NUBPL: variants seen among roughly 807,000 people sequenced by gnomAD.
The protein encoded by NUBPL is iron-sulfur cluster transfer protein NUBPL.
In NUBPL, 31 loss-of-function variants were observed where a neutral mutation model predicts 45.7. The observed-to-expected ratio is 0.68, with a 90% CI of 0.51 to 0.92. The LOEUF is 0.92. Among genes scored for constraint, NUBPL ranks in the 40% least tolerant of loss-of-function variants. The probability of loss-of-function intolerance (pLI) is 0.00; values close to 1 mark genes in which losing one functional copy is unlikely to be tolerated. For synonymous variants in NUBPL, 144 were observed against 140.9 expected (o/e 1.02, Z -0.15); for missense variants, 401 against 398.7 (o/e 1.01, Z -0.05).
intron 6 of NUBPL, among the ~76,000 whole-genome samples, chr14:31,677,637 C>T (rs1160448603): frequency 6.6e-6 from 1 of 152,150 alleles, no homozygotes; most frequent in Non-Finnish European, 1.5e-5. Context: ...TGTTCTCTTC[C>T]CTTACTTTCT....
chr14:31,706,781 G>A (rs894816296), intron 6 of NUBPL, among the ~76,000 whole-genome samples: 1 of 152,210 alleles, frequency 6.6e-6, no homozygotes, highest in Non-Finnish European at 1.5e-5. Context: ...TTGAGAGTGT[G>A]TGGCAGTAGG....
Position 31,671,946 on chromosome 14 carries a change from T to C in NUBPL, c.383-1409T>C, listed in dbSNP as rs377558215. On this transcript the variant is annotated intron_variant, in intron 4 of 10. Coordinates refer to ENST00000281081, the MANE Select transcript of NUBPL (RefSeq NM_025152.3). ...CAGGATACTCCTAGGTTTTATGACT[T>C]TGTCCTAGACTTTTTGCCCAATACT... is the stretch of plus-strand genomic sequence containing the variant. Among the ~76,000 whole-genome samples the C allele has an allele frequency of 5.3e-5, 8 of 152,326 alleles. No individual in the cohort carries two copies. The South Asian group carries it at 8.3e-4, about 16-fold the overall frequency.
intron 6 of NUBPL, among the ~76,000 whole-genome samples, chr14:31,716,490 T>C (rs571765502): frequency 6.6e-6 from 1 of 152,230 alleles, no homozygotes; most frequent in Non-Finnish European, 1.5e-5. Flanking sequence ...ACAGCTATGA[T>C]GTCACTAGGC....
At chr14:31,621,604 C>A (rs2035064082) in intron 4 of NUBPL, among the ~76,000 whole-genome samples, 2 of 152,184 alleles carry the variant, frequency 1.3e-5, no homozygotes, top group South Asian at 4.1e-4. Context: ...TTGGCTCACC[C>A]TCCATGGGCC....
chr14:31,800,180 T>G (rs2039559444), intron 7 of NUBPL, among the ~76,000 whole-genome samples: 1 of 152,186 alleles, frequency 6.6e-6, no homozygotes, highest in Non-Finnish European at 1.5e-5. Flanking sequence ...TCTTGCTGTT[T>G]CCACCACATC....
At chr14:31,828,050 G>T (rs966931585) in intron 8 of NUBPL, among the ~76,000 whole-genome samples, 1 of 152,128 alleles carries the variant, frequency 6.6e-6, no homozygotes, top group African/African-American at 2.4e-5. Context: ...GTGCCTGTAT[G>T]CTTACCTTCC....
intron 6 of NUBPL, among the ~76,000 whole-genome samples, chr14:31,722,121 C>T (rs1411493200): frequency 6.6e-6 from 1 of 152,204 alleles, no homozygotes; most frequent in South Asian, 2.1e-4. Context: ...CTCAGCCTCC[C>T]GAGTAGCTGG....
rs117643353 is a variant in NUBPL, at chr14:31,681,064, G to A, written c.513+7490G>A. On this transcript the variant is annotated intron_variant, in intron 6 of 10. Coordinates refer to ENST00000281081, the MANE Select transcript of NUBPL (RefSeq NM_025152.3). ...CAAGTGTTATATGAGAGTTAGCCTG[G>A]CCTCAAAAAGTAAGTTGGAAAGTAC... is the stretch of plus-strand genomic sequence containing the variant. Among the ~76,000 whole-genome samples, 685 of 151,998 alleles carry A rather than the reference G, an allele frequency of 4.5e-3. 3 individuals are homozygous for A. Among genetic ancestry groups the A allele is most frequent in the East Asian group, 0.023 (120 of 5,188 alleles).
chr14:31,838,279 C>CAAAAAAAAAAAAAAA (rs748313330), intron 8 of NUBPL, among the ~76,000 whole-genome samples: 67 of 60,206 alleles, frequency 1.1e-3, no homozygotes, highest in South Asian at 3.4e-3. Flanking sequence ...TAATATCCAG[C>CAAAAAAAAAAAAAAA]AAAAAAAAAA....
At chr14:31,608,476 C>T (rs971721023) in intron 4 of NUBPL, among the ~76,000 whole-genome samples, 2 of 152,068 alleles carry the variant, frequency 1.3e-5, no homozygotes, top group African/African-American at 4.8e-5. Flanking sequence ...CTCACTTGAA[C>T]CCAGGAGGCA....
At position 31,574,824 on chromosome 14, in the gene NUBPL, G is replaced by A. The variant is rs984371799; in HGVS notation, c.291+9776G>A. On this transcript the variant is annotated intron_variant, in intron 3 of 10. Coordinates refer to ENST00000281081, the MANE Select transcript of NUBPL (RefSeq NM_025152.3). Reference sequence around the variant, plus strand: ...TTGAACTCCTGACCTCAGGTGATCCGCCTGCCTCGGCCTCTCAAAGTGCTG... The same window carrying A: ...TTGAACTCCTGACCTCAGGTGATCCACCTGCCTCGGCCTCTCAAAGTGCTG... Among the ~76,000 whole-genome samples, 5 of 151,706 alleles carry A rather than the reference G, an allele frequency of 3.3e-5. No homozygotes were observed. The South Asian group carries it at 6.3e-4, about 19-fold the overall frequency.
chr14:31,783,149 G>A (rs1305112667), intron 6 of NUBPL, among the ~76,000 whole-genome samples: 1 of 152,122 alleles, frequency 6.6e-6, no homozygotes, highest in Non-Finnish European at 1.5e-5. Flanking sequence ...ACTGGGGGCT[G>A]GTCAGCTTTT....
At chr14:31,810,746 T>C (rs2039786382) in intron 7 of NUBPL, among the ~76,000 whole-genome samples, 1 of 152,236 alleles carries the variant, frequency 6.6e-6, no homozygotes, top group Non-Finnish European at 1.5e-5. Context: ...GTTTTTGCAG[T>C]GGCTGGTACT....
chr14:31,589,723 A>G (rs936214189), intron 3 of NUBPL, among the ~76,000 whole-genome samples: 3 of 152,152 alleles, frequency 2.0e-5, no homozygotes, highest in Admixed American at 6.5e-5. Flanking sequence ...AAAAATCACC[A>G]AACTGCTCCC....
rs188021708 is a variant in NUBPL, at chr14:31,732,970, G to A, written c.514-54810G>A. On this transcript the variant is annotated intron_variant, in intron 6 of 10. Coordinates refer to ENST00000281081, the MANE Select transcript of NUBPL (RefSeq NM_025152.3). Reference sequence around the variant, plus strand: ...TAAGACAACTTTGCCTATCCCAAGCGTGAGGAAATTCTATGTTTTCATCTA... The same window carrying A: ...TAAGACAACTTTGCCTATCCCAAGCATGAGGAAATTCTATGTTTTCATCTA... Among the ~76,000 whole-genome samples the A allele has an allele frequency of 3.9e-4, 60 of 152,170 alleles. No homozygotes were observed. In the South Asian group the frequency reaches 7.7e-3, roughly 19 times the overall value.
At chr14:31,757,907 C>G (rs1186591418) in intron 6 of NUBPL, among the ~76,000 whole-genome samples, 3 of 151,828 alleles carry the variant, frequency 2.0e-5, no homozygotes, top group African/African-American at 7.3e-5. Flanking sequence ...CCCTTTTTTT[C>G]AGATATACCA....
chr14:31,856,787 G>A (rs2040627969), intron 10 of NUBPL, among the ~76,000 whole-genome samples: 1 of 152,204 alleles, frequency 6.6e-6, no homozygotes, highest in African/African-American at 2.4e-5. Flanking sequence ...GATGCAAGAG[G>A]TGAGTTCCCA....
chr14:31,605,445 A>C (rs979115945), intron 4 of NUBPL, among the ~76,000 whole-genome samples: 2 of 152,224 alleles, frequency 1.3e-5, no homozygotes, highest in Non-Finnish European at 2.9e-5. Flanking sequence ...GGATATGTCA[A>C]GTATTTTATT....
chr14:31,779,189 A>G (rs1234266337), intron 6 of NUBPL, among the ~76,000 whole-genome samples: 1 of 152,090 alleles, frequency 6.6e-6, no homozygotes, highest in East Asian at 1.9e-4. Flanking sequence ...TAACATTACA[A>G]AATTAGCTGG....
Sources: gnomAD v4.1 joint callset for allele counts (sites outside exome capture counted in the v4.1 genomes callset) on GRCh38, gnomAD v4.1.1 for gene constraint, MANE v1.5 for transcripts, NCBI Gene and HGNC (gene_info 2026-07-23, HGNC 2026-07-21) for gene names.